Variants in OR2L13 observed in about 807,000 individuals in gnomAD.
OR2L13 encodes olfactory receptor 2L13.
Under a neutral mutation model 15.3 loss-of-function variants are expected in OR2L13, and 14 were observed. The observed-to-expected ratio is 0.91, with a 90% CI of 0.60 to 1.43. OR2L13 has a LOEUF of 1.43. OR2L13 is among the 40% of genes most tolerant of loss of function. The pLI is 0.00. For missense variants in OR2L13, 367 were observed against 387.9 expected (o/e 0.95, Z 0.45); for synonymous variants, 152 against 142.9 (o/e 1.06, Z -0.45).
chr1:247,949,333 C>T, the OR2L13 span: 1 of 1,614,098 alleles, frequency 6.2e-7, no homozygotes, highest in South Asian at 1.1e-5. Flanking sequence ...TGTGCTCACA[C>T]TGTATATGTA....
chr1:248,100,270 G>A (rs750542220), exon 3 of OR2L13: 16 of 1,612,388 alleles, frequency 9.9e-6, no homozygotes, highest in East Asian at 6.7e-5. Flanking sequence ...AGTCCTGGGG[G>A]CTATGAGGAG....
At chr1:248,099,948 T>C (rs1664820366) in exon 3 of OR2L13, 1 of 1,614,016 alleles carries the variant, frequency 6.2e-7, no homozygotes, top group Non-Finnish European at 8.5e-7. Context: ...GTACAGATAC[T>C]TGGGTCTATG....
the OR2L13 span, among the ~76,000 whole-genome samples, chr1:248,050,631 G>A: frequency 6.6e-6 from 1 of 152,158 alleles, no homozygotes; most frequent in East Asian, 1.9e-4. Flanking sequence ...TTTAAAATTA[G>A]GATAATGTTA....
At chr1:248,007,284 A>T in the OR2L13 span, among the ~76,000 whole-genome samples, 1 of 152,164 alleles carries the variant, frequency 6.6e-6, no homozygotes, top group Non-Finnish European at 1.5e-5. Context: ...TTTCATGCCA[A>T]TGACTCTGGC....
chr1:248,059,402 T>C, the OR2L13 span, among the ~76,000 whole-genome samples: 2 of 152,192 alleles, frequency 1.3e-5, no homozygotes, highest in African/African-American at 4.8e-5. Flanking sequence ...CAAAATTCAT[T>C]CTTTTGAAGG....
At chr1:248,016,733 A>G in the OR2L13 span, among the ~76,000 whole-genome samples, 1 of 151,834 alleles carries the variant, frequency 6.6e-6, no homozygotes, top group Non-Finnish European at 1.5e-5. Flanking sequence ...TATGTAACAT[A>G]TATATTTATT....
the OR2L13 span, among the ~76,000 whole-genome samples, chr1:247,982,383 T>C: frequency 6.6e-6 from 1 of 152,200 alleles, no homozygotes. Context: ...ATCTTTGTCT[T>C]CTATGAATAT....
At chr1:248,003,205 C>T in the OR2L13 span, 2 of 1,508,822 alleles carry the variant, frequency 1.3e-6, no homozygotes, top group Non-Finnish European at 1.8e-6. Flanking sequence ...TTGGCCTTTT[C>T]CTCTTCATCC....
the OR2L13 span, among the ~76,000 whole-genome samples, chr1:247,957,429 C>A: frequency 6.6e-6 from 1 of 152,106 alleles, no homozygotes; most frequent in Non-Finnish European, 1.5e-5. Flanking sequence ...CTCTGCCTGG[C>A]TTTGGTATCA....
At chr1:248,099,259 T>G (rs1664795355) in intron 2 of OR2L13, 99 bp from the exon 3 acceptor site, 6 of 715,300 alleles carry the variant, frequency 8.4e-6, no homozygotes, top group Non-Finnish European at 1.2e-5. Context: ...AACAACTCAT[T>G]CTAAACAAAC....
At chr1:248,027,042 C>T in the OR2L13 span, among the ~76,000 whole-genome samples, 3 of 152,172 alleles carry the variant, frequency 2.0e-5, no homozygotes, top group African/African-American at 7.2e-5. Flanking sequence ...CCATATTTCT[C>T]TTCTTTCAAA....
chr1:247,951,232 C>G, the OR2L13 span, among the ~76,000 whole-genome samples: 1 of 152,134 alleles, frequency 6.6e-6, no homozygotes, highest in Non-Finnish European at 1.5e-5. Context: ...ATGCTTCCAG[C>G]TTTGCTCTTT....
At chr1:247,996,120 G>A in the OR2L13 span, among the ~76,000 whole-genome samples, 1 of 152,130 alleles carries the variant, frequency 6.6e-6, no homozygotes, top group African/African-American at 2.4e-5. Flanking sequence ...ACCTACGATT[G>A]TTAAACTCTT....
At chr1:248,079,236 C>G in the OR2L13 span, among the ~76,000 whole-genome samples, 1 of 138,770 alleles carries the variant, frequency 7.2e-6, no homozygotes, top group Admixed American at 8.1e-5. Flanking sequence ...CTGGGACAAG[C>G]TGGGTGAAGG....
the OR2L13 span, among the ~76,000 whole-genome samples, chr1:248,088,616 A>T: frequency 6.6e-6 from 1 of 152,222 alleles, no homozygotes; most frequent in Non-Finnish European, 1.5e-5. Context: ...TGCAAGGCAG[A>T]GTAAAGTTGA....
At chr1:247,994,068 A>G in the OR2L13 span, among the ~76,000 whole-genome samples, 12 of 152,274 alleles carry the variant, frequency 7.9e-5, no homozygotes, top group East Asian at 1.7e-3. Context: ...CCCAACCACA[A>G]TTGATTCCCA....
At chr1:248,084,636 A>G in the OR2L13 span, 5 of 1,552,866 alleles carry the variant, frequency 3.2e-6, no homozygotes, top group African/African-American at 1.4e-5. Context: ...AAAAATAGAG[A>G]AGGAAGAGGC....
the OR2L13 span, among the ~76,000 whole-genome samples, chr1:248,059,248 C>A: frequency 6.6e-6 from 1 of 152,098 alleles, no homozygotes; most frequent in Non-Finnish European, 1.5e-5. Context: ...ATATTTAAGC[C>A]TAAAAAACTC....
chr1:247,947,359 C>T, the OR2L13 span, among the ~76,000 whole-genome samples: 20 of 152,262 alleles, frequency 1.3e-4, no homozygotes, highest in African/African-American at 3.8e-4. Context: ...GAATCTTCCT[C>T]GTACATGTTG....
Sources: allele counts gnomAD v4.1 joint callset (sites outside exome capture counted in the v4.1 genomes callset), GRCh38; gene constraint gnomAD v4.1.1; transcripts MANE v1.5; gene names NCBI Gene and HGNC (gene_info 2026-07-23, HGNC 2026-07-21).